The following EDA2R variants were observed in gnomAD, a reference collection of about 807,000 sequenced individuals.
EDA2R encodes the protein tumor necrosis factor receptor superfamily member 27.
A neutral mutation model predicts 20.1 loss-of-function variants in EDA2R; 26 were observed. The observed-to-expected ratio is 1.30, with a 90% CI of 0.95 to 1.80. The LOEUF (loss-of-function observed/expected upper bound fraction) is 1.80. Among genes scored for constraint, EDA2R ranks in the 40% most tolerant of loss-of-function variants. The pLI, the probability that EDA2R is intolerant of heterozygous loss-of-function variation, is 0.00. For synonymous variants in EDA2R, 114 were observed against 88.7 expected (o/e 1.29, Z -1.60); for missense variants, 277 against 228.7 (o/e 1.21, Z -1.36).
In EDA2R at chrX:66,599,541, G is replaced by C. The variant is rs778647646; in HGVS notation, c.837C>G (p.Val279=). ...GCTCCAGCCTGTCTCCAGTGCTTTC[G>C]ACTGTGTTTCCCCCCAAGGTCTCAG... ...TGAETLGGNT[V]ESTGDRLELN... The change falls in exon 6 of 7, where the codon GTC becomes GTG. Residue 279 remains valine, a synonymous_variant. Coordinates refer to ENST00000374719, the MANE Select transcript of EDA2R (RefSeq NM_021783.5). 2.5e-6 allele frequency: 3 copies of C among 1,183,945 alleles called. No individual in the cohort carries two copies. The highest frequency in any genetic ancestry group is 3.4e-6 in the Non-Finnish European group (3 of 880,931).
chrX:66,614,835 A>T (rs1931398236), intron 2 of EDA2R, among the ~76,000 whole-genome samples: 1 of 111,716 alleles, frequency 9.0e-6, no homozygotes, highest in Non-Finnish European at 1.9e-5. Context: ...TTTCTCATAG[A>T]CCTCAAGCTG....
intron 6 of EDA2R, among the ~76,000 whole-genome samples, chrX:66,598,648 G>A (rs1927894419): frequency 1.8e-5 from 2 of 112,121 alleles, no homozygotes; most frequent in African/African-American, 6.5e-5. Context: ...TAAGTTGATT[G>A]ATTTGACATC....
intron 1 of EDA2R, among the ~76,000 whole-genome samples, chrX:66,632,062 T>G (rs1933871050): frequency 9.0e-6 from 1 of 111,511 alleles, no homozygotes; most frequent in Admixed American, 9.5e-5. Context: ...CTAGATTAAT[T>G]AAATAAAAAC....
Position 66,599,829 on chromosome X carries a change from T to C in EDA2R, c.549A>G (p.Thr183=). Residue 183 remains threonine (T), a synonymous_variant, in exon 6 of 7, where the codon ACA becomes ACG. Transcript: ENST00000374719. Reference sequence around the variant, plus strand: ...CGGGGAAGAGAGATTCCTCCTTTGCTGTTTTATCAGCCTCAAACTGCAGCA... The same window carrying C: ...CGGGGAAGAGAGATTCCTCCTTTGCCGTTTTATCAGCCTCAAACTGCAGCA... ...GGLLQFEADK[T]AKEESLFPVP... 1 of 1,207,572 alleles carries C rather than the reference T, an allele frequency of 8.3e-7. No individual in the cohort carries two copies. The highest frequency in any genetic ancestry group is 1.1e-6 in the Non-Finnish European group (1 of 893,691).
chrX:66,634,753 C>T (rs375279833), intron 1 of EDA2R, among the ~76,000 whole-genome samples: 167 of 111,381 alleles, frequency 1.5e-3, no homozygotes, highest in Non-Finnish European at 2.2e-3. Context: ...TTCCCATATA[C>T]GAAGAAAGGA....
At chrX:66,621,990 C>T (rs1932703007) in intron 1 of EDA2R, among the ~76,000 whole-genome samples, 1 of 111,497 alleles carries the variant, frequency 9.0e-6, no homozygotes, top group African/African-American at 3.3e-5. Context: ...GTTAGCCCCC[C>T]AAAAAATGTT....
At chrX:66,601,840 C>A (rs1928667835) in intron 5 of EDA2R, among the ~76,000 whole-genome samples, 1 of 111,645 alleles carries the variant, frequency 9.0e-6, no homozygotes, top group African/African-American at 3.3e-5. Context: ...CCACCTCCCC[C>A]ATCTTTGTCC....
chrX:66,618,819 CTTAG>C (rs1310682366), intron 1 of EDA2R, among the ~76,000 whole-genome samples: 1 of 112,365 alleles, frequency 8.9e-6, no homozygotes, highest in Non-Finnish European at 1.9e-5. Flanking sequence ...GAGCAAAGCT[CTTAG>C]TTAGGGACAT....
chrX:66,604,747 C>T (rs916656552), intron 3 of EDA2R, among the ~76,000 whole-genome samples: 1 of 111,526 alleles, frequency 9.0e-6, no homozygotes, highest in Non-Finnish European at 1.9e-5. Context: ...GAGGGGTGCA[C>T]TGCTTTGATA....
chrX:66,630,793 A>T (rs1933668939), intron 1 of EDA2R, among the ~76,000 whole-genome samples: 1 of 101,563 alleles, frequency 9.8e-6, no homozygotes, highest in East Asian at 3.2e-4. Context: ...GATATTCCTT[A>T]AAGAACTAAA....
intron 1 of EDA2R, among the ~76,000 whole-genome samples, chrX:66,635,053 C>CT (rs771454605): frequency 4.2e-4 from 47 of 111,662 alleles, no homozygotes; most frequent in Admixed American, 1.6e-3. Flanking sequence ...AGCATGATGT[C>CT]TTTTGGTGGT....
intron 6 of EDA2R, among the ~76,000 whole-genome samples, chrX:66,598,434 C>T (rs1045246774): frequency 3.6e-5 from 4 of 111,451 alleles, no homozygotes; most frequent in African/African-American, 6.5e-5. Context: ...GATGGATAGG[C>T]GGGTACTACA....
At chrX:66,608,350 G>C (rs1159448790) in intron 2 of EDA2R, among the ~76,000 whole-genome samples, 1 of 110,995 alleles carries the variant, frequency 9.0e-6, no homozygotes, top group East Asian at 2.8e-4. Context: ...AGATGCTCAA[G>C]AAACTCCAAG....
At chrX:66,635,722 A>T (rs1291609365) in intron 1 of EDA2R, among the ~76,000 whole-genome samples, 2 of 111,983 alleles carry the variant, frequency 1.8e-5, no homozygotes, top group Non-Finnish European at 3.8e-5. Flanking sequence ...TGTGTCTTGC[A>T]GTTCTGGCAC....
chrX:66,595,768 A>G lies in EDA2R; in HGVS notation c.*2336T>C, dbSNP rs1342705705. 1 of 111,995 alleles carries G rather than the reference A, an allele frequency of 8.9e-6. No homozygotes were observed. The highest frequency in any genetic ancestry group is 1.9e-5 in the Non-Finnish European group (1 of 53,139). The allele number at this position is 111,995 out of a possible 1,213,427, so 9.2% of individuals were successfully genotyped here. A position where few individuals can be genotyped will look rare whatever the true frequency, so the allele number is the denominator to read the frequency against. On this transcript the variant is annotated 3_prime_UTR_variant, in exon 7 of 7. Coordinates refer to ENST00000374719, the MANE Select transcript of EDA2R (RefSeq NM_021783.5). Reference sequence around the variant, plus strand: ...CAAAATTTCTATAAATAACCCATTTATGAGAAAAAATAATTAAAATGTACC... The same window carrying G: ...CAAAATTTCTATAAATAACCCATTTGTGAGAAAAAATAATTAAAATGTACC...
At chrX:66,636,816 G>A (rs766150145) in intron 1 of EDA2R, among the ~76,000 whole-genome samples, 99 of 110,861 alleles carry the variant, frequency 8.9e-4, no homozygotes, top group African/African-American at 3.0e-3. Context: ...AGGTTAGAAA[G>A]CTGAGGCTCA....
intron 6 of EDA2R, among the ~76,000 whole-genome samples, chrX:66,598,411 G>A (rs1927848767): frequency 1.8e-5 from 2 of 111,750 alleles, no homozygotes; most frequent in Non-Finnish European, 3.8e-5. Context: ...TCTGGCACGA[G>A]GAACAGAGCC....
intron 1 of EDA2R, among the ~76,000 whole-genome samples, chrX:66,634,483 G>A (rs1331073431): frequency 9.0e-6 from 1 of 111,265 alleles, no homozygotes; most frequent in Non-Finnish European, 1.9e-5. Flanking sequence ...TCATAAGACA[G>A]CACATTCCAT....
At chrX:66,618,181 C>A (rs1211406199) in intron 1 of EDA2R, among the ~76,000 whole-genome samples, 1 of 112,365 alleles carries the variant, frequency 8.9e-6, no homozygotes, top group Non-Finnish European at 1.9e-5. Flanking sequence ...GGCACCTTGC[C>A]CAGCCTTCCC....
Sources: allele counts gnomAD v4.1 joint callset (sites outside exome capture counted in the v4.1 genomes callset), GRCh38; gene constraint gnomAD v4.1.1; transcripts MANE v1.5; gene names NCBI Gene and HGNC (gene_info 2026-07-23, HGNC 2026-07-21).